ATP2B1: variants seen among roughly 807,000 people sequenced by gnomAD.
The protein encoded by ATP2B1 is plasma membrane calcium-transporting ATPase 1.
A neutral mutation model predicts 124.2 loss-of-function variants in ATP2B1; 14 were observed. The observed-to-expected ratio is 0.11, with a 90% CI of 0.07 to 0.18. The LOEUF (loss-of-function observed/expected upper bound fraction) is 0.18, where lower values mean the gene tolerates loss of function less well. Ranked by LOEUF, ATP2B1 falls within the 10% of genes least tolerant of loss-of-function variation. ATP2B1 has a pLI of 1.00. For synonymous variants in ATP2B1, 449 were observed against 492.4 expected (o/e 0.91, Z 1.17); for missense variants, 763 against 1,466.1 (o/e 0.52, Z 7.83).
intron 11 of ATP2B1, among the ~76,000 whole-genome samples, chr12:89,617,804 T>C (rs572018057): frequency 1.5e-4 from 23 of 152,302 alleles, no homozygotes; most frequent in African/African-American, 4.8e-4. Context: ...TAAACCTTAA[T>C]GGATGAAAGA....
intron 9 of ATP2B1, among the ~76,000 whole-genome samples, chr12:89,622,185 T>C (rs1457798661): frequency 1.3e-5 from 2 of 152,190 alleles, no homozygotes; most frequent in East Asian, 3.9e-4. Flanking sequence ...TAAGAGTATA[T>C]TAAAGGATTA....
chr12:89,647,649 G>A (rs980361190), intron 2 of ATP2B1, among the ~76,000 whole-genome samples: 11 of 152,122 alleles, frequency 7.2e-5, no homozygotes, highest in African/African-American at 2.7e-4. Context: ...GTATATGTGT[G>A]TCTGTATGTG....
chr12:89,596,312 T>C (rs1230581774), intron 20 of ATP2B1, among the ~76,000 whole-genome samples: 2 of 152,146 alleles, frequency 1.3e-5, no homozygotes, highest in Non-Finnish European at 2.9e-5. Context: ...ATCTGGAATG[T>C]AGAACCCTTC....
chr12:89,601,983 T>C (rs1875939757), intron 18 of ATP2B1, among the ~76,000 whole-genome samples: 1 of 152,250 alleles, frequency 6.6e-6, no homozygotes, highest in Non-Finnish European at 1.5e-5. Flanking sequence ...CTTGGAAAGT[T>C]CTATGAAATA....
chr12:89,603,219 C>T lies in ATP2B1; in HGVS notation c.2884G>A (p.Ala962Thr). The T allele has an allele frequency of 6.2e-7, 1 of 1,610,394 alleles. No homozygotes were observed. Among genetic ancestry groups the T allele is most frequent in the Non-Finnish European group, 8.5e-7 (1 of 1,178,130 alleles). Residue 962 changes from alanine (A) to threonine (T), a missense_variant, in exon 18 of 21, where the codon GCT (alanine) becomes ACT (threonine). Ala to Thr is a moderately conservative substitution (Grantham distance 58). Around this residue, in one of 7 missense-constraint regions of ATP2B1, gnomAD observed 118 missense variants for 240.3 expected, o/e 0.49. Transcript: ENST00000428670. The surrounding 1 kb of genome is among the most constrained non-coding windows in gnomAD (Gnocchi z 4.3). ...TCTGAAGGAGGAGCATGCAAAGGAG[C>T]ATTTCTTCCACTATCAATGTCAAAA... is the stretch of plus-strand genomic sequence containing the variant. ...KFFDIDSGRN[A>T]PLHAPPSEHY...
chr12:89,682,170 T>C (rs1423239702), intron 1 of ATP2B1, among the ~76,000 whole-genome samples: 1 of 152,038 alleles, frequency 6.6e-6, no homozygotes, highest in African/African-American at 2.4e-5. Flanking sequence ...TGAATAAATA[T>C]AACAAGAAAT....
intron 1 of ATP2B1, among the ~76,000 whole-genome samples, chr12:89,683,867 C>G (rs1889650407): frequency 6.6e-6 from 1 of 152,118 alleles, no homozygotes; most frequent in South Asian, 2.1e-4. Context: ...CGAAGATAAA[C>G]CTTAGCACTA....
Position 89,617,009 on chromosome 12 carries a change from C to T in ATP2B1, c.1860G>A (p.Glu620=), listed in dbSNP as rs762028233. ...KCFKILSANG[E]AKVFRPRDRD... ...GGTCCCTTGGTCTGAATACTTTTGC[C>T]TCACCATTAGCACTCAAGATTTTGA... Residue 620 remains glutamate (E), a synonymous_variant, in exon 12 of 21, where the codon GAG becomes GAA. Transcript: ENST00000428670. 15 of 1,613,808 alleles carry T rather than the reference C, an allele frequency of 9.3e-6. No homozygotes were observed. In the African/African-American group the frequency reaches 1.6e-4, roughly 17 times the overall value.
At chr12:89,685,643 T>G (rs1372643544) in intron 1 of ATP2B1, among the ~76,000 whole-genome samples, 1 of 152,100 alleles carries the variant, frequency 6.6e-6, no homozygotes, top group Non-Finnish European at 1.5e-5. Flanking sequence ...TGCTAAAGTT[T>G]GAGAACCATG....
At chr12:89,641,837 G>A in intron 3 of ATP2B1, 1 of 212,692 alleles carries the variant, frequency 4.7e-6, no homozygotes, top group Admixed American at 5.3e-5. Context: ...TTGTTTCACA[G>A]TATAGTGTTC....
chr12:89,631,220 T>A (rs1881816170), intron 5 of ATP2B1, among the ~76,000 whole-genome samples: 1 of 152,208 alleles, frequency 6.6e-6, no homozygotes, highest in Non-Finnish European at 1.5e-5. Context: ...CAGTTCCCTG[T>A]CTGTACACTT....
chr12:89,674,675 T>C (rs184489163), intron 1 of ATP2B1, among the ~76,000 whole-genome samples: 70 of 152,298 alleles, frequency 4.6e-4, no homozygotes, highest in Admixed American at 3.5e-3. Context: ...AGCTTTCCAT[T>C]TTACAATAGA....
At chr12:89,640,335 C>T (rs1883311246) in intron 3 of ATP2B1, among the ~76,000 whole-genome samples, 1 of 152,158 alleles carries the variant, frequency 6.6e-6, no homozygotes, top group Non-Finnish European at 1.5e-5. Context: ...CTCTCCTTAT[C>T]TATAGTGATT....
At chr12:89,673,096 C>A (rs572051994) in intron 1 of ATP2B1, among the ~76,000 whole-genome samples, 1 of 152,294 alleles carries the variant, frequency 6.6e-6, no homozygotes, top group Non-Finnish European at 1.5e-5. Flanking sequence ...CCAAATTCCT[C>A]TAGACTAGAC....
chr12:89,638,267 G>T (rs1297288774), intron 3 of ATP2B1, among the ~76,000 whole-genome samples: 1 of 152,130 alleles, frequency 6.6e-6, no homozygotes. Context: ...TGAGAGACAT[G>T]CACAATCTAA....
At chr12:89,688,857 C>T (rs942443138) in intron 1 of ATP2B1, among the ~76,000 whole-genome samples, 3 of 152,070 alleles carry the variant, frequency 2.0e-5, no homozygotes, top group South Asian at 2.1e-4. Flanking sequence ...CCAAATCTTC[C>T]TTATGTCTCC....
intron 1 of ATP2B1, among the ~76,000 whole-genome samples, chr12:89,707,411 T>A (rs1418670216): frequency 2.0e-5 from 3 of 152,220 alleles, no homozygotes; most frequent in Admixed American, 6.5e-5. Flanking sequence ...GGCTTCCATG[T>A]TGACAGGCAG....
intron 1 of ATP2B1, among the ~76,000 whole-genome samples, chr12:89,658,560 C>G (rs1886245601): frequency 7.0e-6 from 1 of 143,484 alleles, no homozygotes; most frequent in South Asian, 2.2e-4. Context: ...GCCAATCTGT[C>G]TTTTCTCTTC....
At chr12:89,671,766 A>G (rs1019321400) in intron 1 of ATP2B1, among the ~76,000 whole-genome samples, 3 of 95,422 alleles carry the variant, frequency 3.1e-5, no homozygotes, top group African/African-American at 7.3e-5. Context: ...CTGTTTCCCA[A>G]GGCAGTTTTT....
Sources: gnomAD v4.1 joint callset for allele counts (sites outside exome capture counted in the v4.1 genomes callset) on GRCh38, gnomAD v4.1.1 for gene constraint, gnomAD v4.1.1 regional missense constraint, Gnocchi (gnomAD v3.1) non-coding constraint, MANE v1.5 for transcripts, NCBI Gene and HGNC (gene_info 2026-07-23, HGNC 2026-07-21) for gene names.